Variants in DENND1A observed in about 807,000 individuals in gnomAD.
DENND1A encodes DENN domain-containing protein 1A.
DENND1A carries 51 observed loss-of-function variants against 113.7 expected under a neutral mutation model. That is an observed-to-expected ratio of 0.45 (90% CI 0.36 to 0.57). DENND1A has a LOEUF of 0.57. Among genes scored for constraint, DENND1A ranks in the 20% least tolerant of loss-of-function variants. The pLI, the probability that DENND1A is intolerant of heterozygous loss-of-function variation, is 0.00. For synonymous variants in DENND1A, 565 were observed against 570.8 expected, an observed-to-expected ratio of 0.99 and a Z score of 0.14; for missense variants, 1,258 against 1,395.9, an observed-to-expected ratio of 0.90 and a Z score of 1.57.
chr9:123,542,774 C>T (rs191799885), intron 13 of DENND1A, among the ~76,000 whole-genome samples: 1 of 152,270 alleles, frequency 6.6e-6, no homozygotes, highest in Admixed American at 6.5e-5. Flanking sequence ...CAGGGACCAG[C>T]TGTGGTCAAG....
At chr9:123,725,292 C>T (rs2067621364) in intron 5 of DENND1A, among the ~76,000 whole-genome samples, 1 of 152,164 alleles carries the variant, frequency 6.6e-6, no homozygotes, top group Non-Finnish European at 1.5e-5. Flanking sequence ...TTTATGAAGC[C>T]TTTTAAAACA....
Position 123,512,625 on chromosome 9 carries a change from A to C in DENND1A, c.993+44945T>G, listed in dbSNP as rs548572287. Among the ~76,000 whole-genome samples the C allele has an allele frequency of 2.6e-5, 4 of 152,364 alleles. No homozygotes were observed. In the South Asian group the frequency reaches 8.3e-4, roughly 32 times the overall value. On this transcript the variant is annotated intron_variant, in intron 13 of 23. Coordinates refer to ENST00000394215, the MANE Select transcript of DENND1A (RefSeq NM_001352964.2). ...GACAGAGCGTCACAGACCTCCCCAA[A>C]GCAGGAGCCAGAAGCCTAGTGGCAT...
chr9:123,428,290 A>G (rs1291736198), intron 19 of DENND1A, among the ~76,000 whole-genome samples: 1 of 152,228 alleles, frequency 6.6e-6, no homozygotes, highest in East Asian at 1.9e-4. Context: ...AACAGAACTA[A>G]AGACAAAAAC....
intron 1 of DENND1A, among the ~76,000 whole-genome samples, chr9:123,923,945 G>A (rs1856685917): frequency 1.3e-5 from 2 of 152,014 alleles, no homozygotes; most frequent in Non-Finnish European, 1.5e-5. Context: ...ATACCCAAGC[G>A]AAATAAAAAC....
intron 12 of DENND1A, among the ~76,000 whole-genome samples, chr9:123,562,164 A>G (rs907202011): frequency 3.9e-5 from 6 of 152,122 alleles, no homozygotes; most frequent in Non-Finnish European, 8.8e-5. Context: ...TCAGAAAAAC[A>G]TCCAAACTTC....
chr9:123,808,195 C>T (rs1835928944), intron 2 of DENND1A, among the ~76,000 whole-genome samples: 2 of 151,958 alleles, frequency 1.3e-5, no homozygotes, highest in African/African-American at 4.8e-5. Flanking sequence ...CATTGTACCC[C>T]AGCCTAGGTG....
At chr9:123,913,660 C>A (rs1180588225) in intron 1 of DENND1A, among the ~76,000 whole-genome samples, 2 of 152,104 alleles carry the variant, frequency 1.3e-5, no homozygotes, top group East Asian at 3.9e-4. Flanking sequence ...AATCCCAGCA[C>A]TTTGGGAGGA....
intron 3 of DENND1A, among the ~76,000 whole-genome samples, chr9:123,775,940 G>C (rs1830411788): frequency 6.6e-6 from 1 of 152,168 alleles, no homozygotes; most frequent in African/African-American, 2.4e-5. Flanking sequence ...TGTCAGAGAA[G>C]TGGCTCTAGT....
intron 2 of DENND1A, among the ~76,000 whole-genome samples, chr9:123,815,536 C>G (rs368903739): frequency 2.0e-5 from 3 of 152,144 alleles, no homozygotes; most frequent in South Asian, 4.1e-4. Context: ...AAATTTGCAG[C>G]CTGAAAGATA....
At chr9:123,475,698 C>T (rs949768569) in intron 13 of DENND1A, among the ~76,000 whole-genome samples, 1 of 152,220 alleles carries the variant, frequency 6.6e-6, no homozygotes, top group Admixed American at 6.5e-5. Flanking sequence ...GTGGGGAAGG[C>T]CTGGCTAAAA....
intron 5 of DENND1A, among the ~76,000 whole-genome samples, chr9:123,738,415 G>A (rs1417134326): frequency 1.3e-5 from 2 of 150,954 alleles, no homozygotes; most frequent in Non-Finnish European, 3.0e-5. Flanking sequence ...GAGCCATAAA[G>A]AATGAAAAAC....
chr9:123,728,322 A>C (rs2067865504), intron 5 of DENND1A, among the ~76,000 whole-genome samples: 1 of 145,002 alleles, frequency 6.9e-6, no homozygotes, highest in Non-Finnish European at 1.6e-5. Context: ...TACTAAAAAT[A>C]CAAAATTAGC....
At chr9:123,536,272 C>T (rs2055757354) in intron 13 of DENND1A, among the ~76,000 whole-genome samples, 1 of 152,094 alleles carries the variant, frequency 6.6e-6, no homozygotes, top group African/African-American at 2.4e-5. Context: ...GAGTTCAAGA[C>T]CAGCCTGGCC....
chr9:123,611,544 CTTA>C (rs1438869973), intron 10 of DENND1A, among the ~76,000 whole-genome samples: 1 of 152,142 alleles, frequency 6.6e-6, no homozygotes, highest in Non-Finnish European at 1.5e-5. Context: ...AAAATGGCCA[CTTA>C]TTAATGTGAC....
chr9:123,826,389 G>A (rs141491419), intron 2 of DENND1A, among the ~76,000 whole-genome samples: 320 of 152,110 alleles, frequency 2.1e-3, no homozygotes, highest in Non-Finnish European at 2.6e-3. Context: ...ATGACAGAGC[G>A]AGACCCTGTC....
intron 13 of DENND1A, among the ~76,000 whole-genome samples, chr9:123,518,000 T>C (rs1452176147): frequency 6.6e-6 from 1 of 152,176 alleles, no homozygotes; most frequent in Non-Finnish European, 1.5e-5. Context: ...ATATATATTA[T>C]TATTTTTTAG....
Position 123,387,705 on chromosome 9 carries a change from G to A in DENND1A, c.1760+25C>T. The A allele has an allele frequency of 7.8e-6, 10 of 1,288,348 alleles. No individual in the cohort carries two copies. The South Asian group carries it at 1.2e-4, about 16-fold the overall frequency. The allele number at this position is 1,288,348 out of a possible 1,614,324, so 79.8% of individuals were successfully genotyped here. A position where few individuals can be genotyped will look rare whatever the true frequency, so the allele number is the denominator to read the frequency against. Reference sequence around the variant, plus strand: ...CGCAGAGTCACCAAGCCGAGCTCAGGGAAATGGAAGAAGGAAGGAGAGACC... The same window carrying A: ...CGCAGAGTCACCAAGCCGAGCTCAGAGAAATGGAAGAAGGAAGGAGAGACC... On this transcript the variant is annotated intron_variant, in intron 22 of 23. Coordinates refer to ENST00000394215, the MANE Select transcript of DENND1A (RefSeq NM_001352964.2).
intron 5 of DENND1A, among the ~76,000 whole-genome samples, chr9:123,752,576 T>C (rs1406470684): frequency 6.6e-6 from 1 of 152,156 alleles, no homozygotes; most frequent in East Asian, 1.9e-4. Context: ...TATCTCCCCA[T>C]AACCCTCAAA....
At chr9:123,465,135 T>G (rs925258822) in intron 13 of DENND1A, among the ~76,000 whole-genome samples, 7 of 150,708 alleles carry the variant, frequency 4.6e-5, no homozygotes, top group African/African-American at 1.5e-4. Flanking sequence ...GAGCCAACAT[T>G]GTGGCACTGC....
Sources: allele counts gnomAD v4.1 joint callset (sites outside exome capture counted in the v4.1 genomes callset), GRCh38; gene constraint gnomAD v4.1.1; transcripts MANE v1.5; gene names NCBI Gene and HGNC (gene_info 2026-07-23, HGNC 2026-07-21).